MOSPD2: variants seen among roughly 807,000 people sequenced by gnomAD.
MOSPD2 encodes the protein motile sperm domain containing 2, also known as motile sperm domain-containing protein 2.
In MOSPD2, 5 loss-of-function variants were observed where a neutral mutation model predicts 41.7. That is an observed-to-expected ratio of 0.12 (90% CI 0.06 to 0.25). The LOEUF (loss-of-function observed/expected upper bound fraction) is 0.25, where lower values mean the gene tolerates loss of function less well. MOSPD2 is among the 10% of genes least tolerant of loss of function. MOSPD2 has a pLI of 1.00. For synonymous variants in MOSPD2, 115 were observed against 126.9 expected, an observed-to-expected ratio of 0.91 and a Z score of 0.63; for missense variants, 282 against 375.2, an observed-to-expected ratio of 0.75 and a Z score of 2.05.
chrX:14,886,397 A>C (rs1479156969), intron 2 of MOSPD2, among the ~76,000 whole-genome samples: 1 of 110,279 alleles, frequency 9.1e-6, no homozygotes, highest in African/African-American at 3.3e-5. Context: ...CTTGAAGGAT[A>C]AGAACTGAAG....
chrX:14,904,899 G>A (rs766275885), intron 7 of MOSPD2, among the ~76,000 whole-genome samples: 43 of 111,333 alleles, frequency 3.9e-4, no homozygotes, highest in Admixed American at 1.2e-3. Flanking sequence ...TAACCCAAAC[G>A]CCTACCCTGA....
intron 13 of MOSPD2, among the ~76,000 whole-genome samples, chrX:14,917,381 A>AG (rs1241574512): frequency 8.9e-6 from 1 of 111,873 alleles, no homozygotes; most frequent in African/African-American, 3.3e-5. Context: ...GACTCCAGTA[A>AG]GGGAGGAGCA....
chrX:14,908,849 T>C lies in MOSPD2; in HGVS notation c.578-11T>C. On this transcript the variant is annotated splice_polypyrimidine_tract_variant and intron_variant, in intron 7 of 14. Transcript: ENST00000380492. ...ATGAGAATTTTAATGAAGTGACTGG[T>C]TTTTCTTCAGCTGCTTTCAAAATTG... is the stretch of plus-strand genomic sequence containing the variant. 1 of 1,175,812 alleles carries C rather than the reference T, an allele frequency of 8.5e-7. No individual in the cohort carries two copies.
rs2092607727 is a variant in MOSPD2, at chrX:14,920,528, C to G, written c.*719C>G. 3 of 751,519 alleles carry G rather than the reference C, an allele frequency of 4.0e-6. No homozygotes were observed. The highest frequency in any genetic ancestry group is 1.4e-4 in the South Asian group (2 of 14,675). The allele number at this position is 751,519 out of a possible 1,213,427, so 61.9% of individuals were successfully genotyped here. On this transcript the variant is annotated 3_prime_UTR_variant, in exon 15 of 15. Coordinates refer to ENST00000380492, the MANE Select transcript of MOSPD2 (RefSeq NM_152581.4). ...TTTCTTTGAATTCTGTTAGTAATGC[C>G]CAAAAGAAAAGTCTCAAGCAGTCCC... is the stretch of plus-strand genomic sequence containing the variant.
intron 7 of MOSPD2, among the ~76,000 whole-genome samples, chrX:14,907,261 T>G (rs185193483): frequency 8.9e-6 from 1 of 112,101 alleles, no homozygotes; most frequent in Non-Finnish European, 1.9e-5. Flanking sequence ...CCTCATACAC[T>G]GCTGGTGAGA....
At chrX:14,883,304 A>G (rs2092535282) in intron 2 of MOSPD2, among the ~76,000 whole-genome samples, 2 of 111,928 alleles carry the variant, frequency 1.8e-5, no homozygotes, top group African/African-American at 6.5e-5. Flanking sequence ...TGTTTACCAA[A>G]TCTACTGTGT....
In MOSPD2 at chrX:14,920,661, C is replaced by T; in HGVS notation, c.*852C>T. 36 of 753,888 alleles carry T rather than the reference C, an allele frequency of 4.8e-5. No homozygotes were observed. Among genetic ancestry groups the T allele is most frequent in the Non-Finnish European group, 5.6e-5 (36 of 639,174 alleles). The allele number at this position is 753,888 out of a possible 1,213,427, so 62.1% of individuals were successfully genotyped here. A position where few individuals can be genotyped will look rare whatever the true frequency, so the allele number is the denominator to read the frequency against. On this transcript the variant is annotated 3_prime_UTR_variant, in exon 15 of 15. Coordinates refer to ENST00000380492, the MANE Select transcript of MOSPD2 (RefSeq NM_152581.4). ...TGACCCTCTATTGTCCCATCTTCAC[C>T]CCCATTCCAGAGCAGAGGAGTCTCT...
intron 10 of MOSPD2, among the ~76,000 whole-genome samples, chrX:14,912,936 A>T (rs754732263): frequency 1.8e-5 from 2 of 112,193 alleles, no homozygotes; most frequent in Non-Finnish European, 3.8e-5. Context: ...GATCTCATGT[A>T]GCATTTTCTG....
rs764272191 is a variant in MOSPD2, at chrX:14,908,841, G to A, written c.578-19G>A. ...TAGGAATGATGAGAATTTTAATGAA[G>A]TGACTGGTTTTTCTTCAGCTGCTTT... On this transcript the variant is annotated intron_variant, in intron 7 of 14. Transcript: ENST00000380492. The A allele has an allele frequency of 8.6e-7, 1 of 1,167,607 alleles. No individual in the cohort carries two copies. The highest frequency in any genetic ancestry group is 1.2e-6 in the Non-Finnish European group (1 of 865,633).
chrX:14,889,312 A>G (rs189363718), intron 2 of MOSPD2, among the ~76,000 whole-genome samples: 6 of 111,813 alleles, frequency 5.4e-5, no homozygotes, highest in East Asian at 2.8e-4. Context: ...GAAATTTCCA[A>G]TCGCTTGAGG....
chrX:14,894,812 G>C (rs1207221141), intron 3 of MOSPD2, among the ~76,000 whole-genome samples: 1 of 110,782 alleles, frequency 9.0e-6, no homozygotes, highest in Non-Finnish European at 1.9e-5. Context: ...AAGTCTACTA[G>C]ATAACAAACT....
chrX:14,906,421 C>T (rs749730006), intron 7 of MOSPD2, among the ~76,000 whole-genome samples: 2 of 111,660 alleles, frequency 1.8e-5, no homozygotes, highest in East Asian at 5.6e-4. Context: ...CCCCACCTTA[C>T]ATCATATATA....
intron 14 of MOSPD2, among the ~76,000 whole-genome samples, chrX:14,919,192 CA>C (rs2092605190): frequency 9.0e-6 from 1 of 111,171 alleles, no homozygotes; most frequent in Non-Finnish European, 1.9e-5. Flanking sequence ...GGCAACAGAA[CA>C]AGACCATTTC....
intron 2 of MOSPD2, among the ~76,000 whole-genome samples, chrX:14,881,141 TTATTGTTTCATC>T (rs1411665723): frequency 9.0e-6 from 1 of 111,502 alleles, no homozygotes; most frequent in Non-Finnish European, 1.9e-5. Context: ...TCCTGGGTCA[TTATTGTTTCATC>T]TAAAGTATAA....
rs954932731 is a variant in MOSPD2 at position 14,911,177 on chromosome X, T to C, written c.703-60T>C. The C allele has an allele frequency of 4.2e-5, 41 of 984,619 alleles. No individual in the cohort carries two copies. In the Admixed American group the frequency reaches 1.2e-3, roughly 29 times the overall value. The allele number at this position is 984,619 out of a possible 1,213,427, so 81.1% of individuals were successfully genotyped here. On this transcript the variant is annotated intron_variant, in intron 8 of 14. Coordinates refer to ENST00000380492, the MANE Select transcript of MOSPD2 (RefSeq NM_152581.4). ...CCAAAGTAATGAATTGTAAATCTAC[T>C]AAGAGAGTTATTTCTCTACCCACCA...
chrX:14,875,780 T>C (rs2092519018), intron 2 of MOSPD2, among the ~76,000 whole-genome samples: 1 of 112,069 alleles, frequency 8.9e-6, no homozygotes, highest in Non-Finnish European at 1.9e-5. Context: ...TCTTCAGTGT[T>C]TAAATGTATC....
intron 13 of MOSPD2, among the ~76,000 whole-genome samples, chrX:14,917,735 C>T (rs1366454306): frequency 8.9e-6 from 1 of 111,824 alleles, no homozygotes; most frequent in African/African-American, 3.3e-5. Context: ...ATGAAACCTT[C>T]AGGGCTGGGC....
At chrX:14,879,477 G>A (rs1251712706) in intron 2 of MOSPD2, among the ~76,000 whole-genome samples, 1 of 111,946 alleles carries the variant, frequency 8.9e-6, no homozygotes, top group Non-Finnish European at 1.9e-5. Flanking sequence ...TGTTCTGATG[G>A]CTGATAGACT....
At chrX:14,886,084 G>A (rs973316027) in intron 2 of MOSPD2, among the ~76,000 whole-genome samples, 47 of 110,974 alleles carry the variant, frequency 4.2e-4, no homozygotes, top group South Asian at 7.6e-4. Flanking sequence ...GCATCAGTCC[G>A]ACTCCTCTCA....
Sources: gnomAD v4.1 joint callset for allele counts (sites outside exome capture counted in the v4.1 genomes callset) on GRCh38, gnomAD v4.1.1 for gene constraint, MANE v1.5 for transcripts, NCBI Gene and HGNC (gene_info 2026-07-23, HGNC 2026-07-21) for gene names.